The following TBX15 variants were observed in gnomAD, a reference collection of about 807,000 sequenced individuals.
TBX15 encodes the protein T-box transcription factor 15.
TBX15 carries 18 observed loss-of-function variants against 53.9 expected under a neutral mutation model. The ratio of observed to expected loss-of-function variants is 0.33; its 90% CI spans 0.23 to 0.49. TBX15 has a LOEUF of 0.49. Among genes scored for constraint, TBX15 ranks in the 20% least tolerant of loss-of-function variants. The pLI is 0.98. For missense variants in TBX15, 692 were observed against 749.5 expected (o/e 0.92, Z 0.90); for synonymous variants, 295 against 278.0 (o/e 1.06, Z -0.61).
intron 1 of TBX15, among the ~76,000 whole-genome samples, chr1:118,974,408 T>C (rs545788320): frequency 4.6e-5 from 7 of 152,276 alleles, no homozygotes; most frequent in African/African-American, 1.7e-4. Flanking sequence ...ACTGTACAAC[T>C]AAACAGCCAA....
intron 7 of TBX15, 97 bp downstream of exon 7, chr1:118,898,926 TAACCC>T: frequency 1.7e-6 from 2 of 1,154,438 alleles, no homozygotes; most frequent in Non-Finnish European, 2.6e-6. Flanking sequence ...AGAATTGGTA[TAACCC>T]ATATCTTGGC....
intron 1 of TBX15, among the ~76,000 whole-genome samples, chr1:118,955,073 T>C (rs928962594): frequency 2.6e-5 from 4 of 152,154 alleles, no homozygotes; most frequent in African/African-American, 9.7e-5. Flanking sequence ...GTCACCTACA[T>C]GGCATCACTT....
At chr1:118,924,496 A>G in intron 4 of TBX15, 150 bp downstream of exon 4, 6 of 948,920 alleles carry the variant, frequency 6.3e-6, no homozygotes, top group Non-Finnish European at 8.1e-6. Context: ...TTTAACTGGA[A>G]AAAAACACTT....
At position 118,923,484 on chromosome 1, in the gene TBX15, G is replaced by A; in HGVS notation, c.813C>T (p.Asn271=). 2 of 1,613,962 alleles carry A rather than the reference G, an allele frequency of 1.2e-6. 1 individual carries two copies. Among genetic ancestry groups the A allele is most frequent in the South Asian group, 2.2e-5 (2 of 91,074 alleles). ...CTGTGGTGAACACAGTCTCAGGAAA[G>A]TTGAACGTTTTCACCCCATCCCCAA... is the stretch of plus-strand genomic sequence containing the variant. ...VPVGDGVKTF[N]FPETVFTTVT... is the part of the protein sequence containing the mutation. Residue 271 remains asparagine, a synonymous_variant, in exon 5 of 8, where the codon AAC becomes AAT. Transcript: ENST00000369429.
At position 118,924,591 on chromosome 1, in the gene TBX15, C is replaced by T. The variant is rs918645647; in HGVS notation, c.693+55G>A. ...TGAAAAAGACTGGGGCTAGCCAGCT[C>T]TAAAGCAAACAGAGGAAGAGAGAAA... On this transcript the variant is annotated intron_variant, in intron 4 of 7. Coordinates refer to ENST00000369429, the MANE Select transcript of TBX15 (RefSeq NM_001330677.2). The T allele has an allele frequency of 3.1e-6, 5 of 1,610,330 alleles. No homozygotes were observed. The African/African-American group carries it at 6.7e-5, about 22-fold the overall frequency.
intron 1 of TBX15, among the ~76,000 whole-genome samples, chr1:118,933,635 T>C (rs1222389364): frequency 1.3e-5 from 2 of 152,104 alleles, no homozygotes; most frequent in African/African-American, 4.8e-5. Context: ...CCTAGCCTGA[T>C]TCTATAGGCC....
chr1:118,967,399 A>G (rs1398108333), intron 1 of TBX15, among the ~76,000 whole-genome samples: 2 of 152,200 alleles, frequency 1.3e-5, no homozygotes, highest in South Asian at 2.1e-4. Context: ...AAAATGACCT[A>G]TAAGTAGCAG....
chr1:118,985,271 G>A (rs1359996852), intron 1 of TBX15, among the ~76,000 whole-genome samples: 2 of 152,120 alleles, frequency 1.3e-5, no homozygotes, highest in African/African-American at 2.4e-5. Flanking sequence ...CGCTGCCCTG[G>A]GCACAATAGG....
chr1:118,890,951 A>T, intron 7 of TBX15: 1 of 1,303,900 alleles, frequency 7.7e-7, no homozygotes, highest in Non-Finnish European at 1.0e-6. Flanking sequence ...TATCCTTGAG[A>T]AGTCTTCTTT....
At chr1:118,919,232 C>T (rs1655345160) in intron 5 of TBX15, among the ~76,000 whole-genome samples, 1 of 152,182 alleles carries the variant, frequency 6.6e-6, no homozygotes, top group African/African-American at 2.4e-5. Context: ...CTTTTTCCCC[C>T]AGAGAAGACA....
intron 6 of TBX15, among the ~76,000 whole-genome samples, chr1:118,904,289 A>G (rs1279443057): frequency 6.6e-6 from 1 of 152,136 alleles, no homozygotes; most frequent in Admixed American, 6.5e-5. Context: ...CTCAACATTC[A>G]TAGATTTTCT....
chr1:118,910,301 C>T (rs768017757), intron 6 of TBX15, among the ~76,000 whole-genome samples: 22 of 152,264 alleles, frequency 1.4e-4, no homozygotes, highest in African/African-American at 4.1e-4. Context: ...AAATGTAATC[C>T]GTATGTTTTG....
chr1:118,957,276 C>T (rs1656723129), intron 1 of TBX15, among the ~76,000 whole-genome samples: 1 of 152,242 alleles, frequency 6.6e-6, no homozygotes, highest in Admixed American at 6.5e-5. Context: ...CGGACCAATC[C>T]AGTGAGGGTC....
At chr1:118,898,335 G>C (rs1447200076) in intron 7 of TBX15, among the ~76,000 whole-genome samples, 6 of 152,150 alleles carry the variant, frequency 3.9e-5, no homozygotes, top group Admixed American at 2.6e-4. Flanking sequence ...TATAATATAT[G>C]GGTGCTATGC....
intron 5 of TBX15, among the ~76,000 whole-genome samples, chr1:118,919,078 A>G (rs1490050375): frequency 2.0e-5 from 3 of 152,182 alleles, no homozygotes; most frequent in African/African-American, 7.2e-5. Flanking sequence ...TGCTCACACA[A>G]ACCTGGCTGT....
At chr1:118,979,722 ATGTAAT>A (rs1233420381) in intron 1 of TBX15, among the ~76,000 whole-genome samples, 1 of 152,088 alleles carries the variant, frequency 6.6e-6, no homozygotes, top group Non-Finnish European at 1.5e-5. Flanking sequence ...TTTCTCCAGG[ATGTAAT>A]TAGAGCTAAG....
intron 1 of TBX15, among the ~76,000 whole-genome samples, chr1:118,955,882 C>A (rs763608901): frequency 2.0e-5 from 3 of 152,300 alleles, no homozygotes; most frequent in South Asian, 2.1e-4. Flanking sequence ...TCCTTCCAGG[C>A]AAGGTAAATG....
Position 118,885,359 on chromosome 1 carries a change from T to A in TBX15, c.1182A>T (p.Leu394=), listed in dbSNP as rs1318558859. ...VGCRESQLCN[L]NLSDYPPCAR... is the part of the protein sequence containing the mutation. ...CACATGGTGGATAATCAGAGAGGTT[T>A]AGATTACACAGCTGGCTTTCTCGGC... The change falls in exon 8 of 8, where the codon CTA becomes CTT. Residue 394 remains leucine (L), a synonymous_variant. Coordinates refer to ENST00000369429, the MANE Select transcript of TBX15 (RefSeq NM_001330677.2). The A allele has an allele frequency of 1.2e-6, 2 of 1,614,000 alleles. No individual in the cohort carries two copies. The highest frequency in any genetic ancestry group is 4.5e-5 in the East Asian group (2 of 44,838).
intron 1 of TBX15, among the ~76,000 whole-genome samples, chr1:118,965,073 CA>C (rs1656995904): frequency 6.6e-6 from 1 of 152,222 alleles, no homozygotes; most frequent in African/African-American, 2.4e-5. Context: ...CCCTGACTGA[CA>C]TGCCTTTTAT....
Sources: gnomAD v4.1 joint callset for allele counts (sites outside exome capture counted in the v4.1 genomes callset) on GRCh38, gnomAD v4.1.1 for gene constraint, MANE v1.5 for transcripts, NCBI Gene and HGNC (gene_info 2026-07-23, HGNC 2026-07-21) for gene names.